SGCD: variants seen among roughly 807,000 people sequenced by gnomAD.
The protein encoded by SGCD is sarcoglycan delta.
SGCD carries 18 observed loss-of-function variants against 36.6 expected under a neutral mutation model. The observed-to-expected ratio is 0.49, with a 90% confidence interval of 0.34 to 0.73. SGCD has a LOEUF of 0.73. Among genes scored for constraint, SGCD ranks in the 30% least tolerant of loss-of-function variants. The pLI is 0.01. For missense variants in SGCD, 387 were observed against 346.7 expected, an observed-to-expected ratio of 1.12 and a Z score of -0.92; for synonymous variants, 133 against 130.6, an observed-to-expected ratio of 1.02 and a Z score of -0.12.
At chr5:156,036,784 G>A (rs1218281198) in intron 1 of SGCD, among the ~76,000 whole-genome samples, 1 of 152,064 alleles carries the variant, frequency 6.6e-6, no homozygotes, top group Non-Finnish European at 1.5e-5. Flanking sequence ...CCTAAGAGTG[G>A]CTCATACTCT....
In SGCD at chr5:156,262,173, A is replaced by G. The variant is rs111330750; in HGVS notation, c.-43-67361A>G. Among the ~76,000 whole-genome samples the G allele has an allele frequency of 2.6e-3, 400 of 152,204 alleles. 2 individuals are homozygous for G. Among genetic ancestry groups the G allele is most frequent in the African/African-American group, 9.1e-3 (378 of 41,558 alleles). On this transcript the variant is annotated intron_variant, in intron 3 of 9. Transcript: ENST00000517913. ...CTTCATCTTTACTCTCCCCTCACTC[A>G]CTGACTCACTCAGAGCAACTTCCAG...
chr5:156,427,865 C>A (rs139065950), intron 3 of SGCD, among the ~76,000 whole-genome samples: 2,071 of 152,228 alleles, frequency 0.014, 22 homozygotes, highest in Non-Finnish European at 0.023. Context: ...GCTAAACCAT[C>A]CCTGTATCCC....
intron 3 of SGCD, among the ~76,000 whole-genome samples, chr5:156,476,512 A>G (rs1755187734): frequency 6.6e-6 from 1 of 152,234 alleles, no homozygotes; most frequent in African/African-American, 2.4e-5. Flanking sequence ...CATGGCCATA[A>G]CAGACTTAAA....
intron 7 of SGCD, among the ~76,000 whole-genome samples, chr5:156,746,223 A>C (rs1277350405): frequency 6.6e-6 from 1 of 152,124 alleles, no homozygotes; most frequent in East Asian, 1.9e-4. Flanking sequence ...AATGTGAAAG[A>C]ATAGTAACTT....
At chr5:156,489,123 G>A (rs1755828726) in intron 3 of SGCD, among the ~76,000 whole-genome samples, 1 of 152,016 alleles carries the variant, frequency 6.6e-6, no homozygotes, top group African/African-American at 2.4e-5. Flanking sequence ...TGTAAAAAGA[G>A]ACAAAGATGA....
chr5:156,128,214 A>G (rs1049584425), intron 3 of SGCD, among the ~76,000 whole-genome samples: 2 of 152,210 alleles, frequency 1.3e-5, no homozygotes, highest in African/African-American at 4.8e-5. Context: ...CAGAATGGCT[A>G]AAAATAAAAC....
At chr5:156,601,729 G>T (rs1213536462) in intron 6 of SGCD, among the ~76,000 whole-genome samples, 17 of 152,138 alleles carry the variant, frequency 1.1e-4, no homozygotes, top group Non-Finnish European at 2.1e-4. Context: ...TGTCGCCCAT[G>T]CTGGAGTGCA....
At chr5:156,035,917 C>G (rs6863841) in intron 1 of SGCD, among the ~76,000 whole-genome samples, 173 of 152,248 alleles carry the variant, frequency 1.1e-3, no homozygotes, top group African/African-American at 4.0e-3. Flanking sequence ...AATTGCAGAA[C>G]TGTTATAACT....
upstream of SGCD, among the ~76,000 whole-genome samples, chr5:156,321,875 C>T (rs572817947): frequency 6.6e-6 from 1 of 152,282 alleles, no homozygotes; most frequent in South Asian, 2.1e-4. Flanking sequence ...CTTGGCTTTA[C>T]AGTTTTATGA....
At chr5:156,393,815 G>A in intron 3 of SGCD, 1 of 456,280 alleles carries the variant, frequency 2.2e-6, no homozygotes, top group African/African-American at 2.0e-5. Flanking sequence ...GCTGAGAGGA[G>A]CCAGAACCAG....
intron 4 of SGCD, among the ~76,000 whole-genome samples, chr5:156,572,724 C>A (rs765611256): frequency 3.3e-5 from 5 of 152,098 alleles, no homozygotes; most frequent in Non-Finnish European, 7.4e-5. Context: ...CAGATAGACA[C>A]ATACTAATTG....
At chr5:156,518,359 A>T (rs1757268011) in intron 4 of SGCD, among the ~76,000 whole-genome samples, 1 of 152,192 alleles carries the variant, frequency 6.6e-6, no homozygotes, top group Non-Finnish European at 1.5e-5. Context: ...GAGACCTACA[A>T]AGAGACTTAG....
intron 3 of SGCD, among the ~76,000 whole-genome samples, chr5:156,451,554 G>A (rs777129317): frequency 6.6e-6 from 1 of 152,162 alleles, no homozygotes; most frequent in African/African-American, 2.4e-5. Flanking sequence ...AAGTAGAGAT[G>A]ATAGCCTTGA....
At chr5:156,214,378 T>C (rs1764522764) in intron 3 of SGCD, among the ~76,000 whole-genome samples, 1 of 151,474 alleles carries the variant, frequency 6.6e-6, no homozygotes, top group Non-Finnish European at 1.5e-5. Flanking sequence ...ATAAAAGAAA[T>C]ACTTAGGATA....
intron 1 of SGCD, among the ~76,000 whole-genome samples, chr5:156,068,726 TA>T (rs1207779003): frequency 6.6e-6 from 1 of 151,704 alleles, no homozygotes; most frequent in Non-Finnish European, 1.5e-5. Flanking sequence ...TGAACTAGTT[TA>T]CAGTCCCACC....
intron 6 of SGCD, among the ~76,000 whole-genome samples, chr5:156,609,249 A>T (rs1045445117): frequency 1.3e-5 from 2 of 152,044 alleles, no homozygotes; most frequent in Non-Finnish European, 2.9e-5. Flanking sequence ...GGTGGTGACA[A>T]AATCTCTCAG....
intron 3 of SGCD, among the ~76,000 whole-genome samples, chr5:156,276,067 A>G (rs1766311950): frequency 6.6e-6 from 1 of 152,130 alleles, no homozygotes; most frequent in African/African-American, 2.4e-5. Flanking sequence ...TTCTGTAGGT[A>G]CAGGAAGTTG....
At chr5:156,182,334 G>A (rs532080228) in intron 3 of SGCD, among the ~76,000 whole-genome samples, 12 of 152,318 alleles carry the variant, frequency 7.9e-5, no homozygotes, top group East Asian at 7.7e-4. Context: ...ACTCATGTCT[G>A]TAATCCCAAC....
At chr5:155,972,315 A>C (rs1375661663) in intron 1 of SGCD, among the ~76,000 whole-genome samples, 2 of 152,120 alleles carry the variant, frequency 1.3e-5, no homozygotes, top group Admixed American at 1.3e-4. Flanking sequence ...GGCATTTTTA[A>C]ATGTCCTTTT....
Sources: gnomAD v4.1 joint callset for allele counts (sites outside exome capture counted in the v4.1 genomes callset) on GRCh38, gnomAD v4.1.1 for gene constraint, MANE v1.5 for transcripts, NCBI Gene and HGNC (gene_info 2026-07-23, HGNC 2026-07-21) for gene names.